Variants in GPR158 observed in about 807,000 individuals in gnomAD.
The protein encoded by GPR158 is G protein-coupled receptor 158, also known as metabotropic glycine receptor.
A neutral mutation model predicts 78.2 loss-of-function variants in GPR158; 30 were observed. The ratio of observed to expected loss-of-function variants is 0.38; its 90% CI spans 0.29 to 0.52. GPR158 has a LOEUF of 0.52. Among genes scored for constraint, GPR158 ranks in the 20% least tolerant of loss-of-function variants. The pLI is 0.83. For missense variants in GPR158, 1,463 were observed against 1,523.5 expected (o/e 0.96, Z 0.66); for synonymous variants, 581 against 591.1 (o/e 0.98, Z 0.25).
chr10:25,259,605 A>G (rs985098749), intron 2 of GPR158, among the ~76,000 whole-genome samples: 2 of 152,160 alleles, frequency 1.3e-5, no homozygotes, highest in African/African-American at 4.8e-5. Context: ...TTTTAAATAA[A>G]TCTTAAAAAT....
intron 2 of GPR158, among the ~76,000 whole-genome samples, chr10:25,222,418 C>T (rs1049506440): frequency 6.6e-6 from 1 of 151,098 alleles, no homozygotes; most frequent in Non-Finnish European, 1.5e-5. Context: ...CAATACATTC[C>T]CACAGCCCCC....
At chr10:25,198,389 G>A (rs1050884529) in intron 1 of GPR158, among the ~76,000 whole-genome samples, 1 of 152,162 alleles carries the variant, frequency 6.6e-6, no homozygotes, top group African/African-American at 2.4e-5. Context: ...TGTGGGGGAG[G>A]AGAACATTTC....
chr10:25,574,640 A>C (rs553302938), intron 7 of GPR158, among the ~76,000 whole-genome samples: 2 of 152,300 alleles, frequency 1.3e-5, no homozygotes, highest in African/African-American at 4.8e-5. Context: ...TAATCCCAGC[A>C]CTTTGGGAGG....
chr10:25,378,273 G>C (rs1834110290), intron 2 of GPR158, among the ~76,000 whole-genome samples: 1 of 152,056 alleles, frequency 6.6e-6, no homozygotes, highest in Non-Finnish European at 1.5e-5. Flanking sequence ...ATTTCTAAGA[G>C]CATCTATTAA....
rs977357378 is a variant in GPR158, at chr10:25,192,364, C to T, written c.902+16042C>T. On this transcript the variant is annotated intron_variant, in intron 1 of 10. Transcript: ENST00000376351. Reference sequence around the variant, plus strand: ...CTTTCCTTTATAAGTTACCCAGTCTCGGGCAGTTCTTTGTAGCAGTGTGAG... The same window carrying T: ...CTTTCCTTTATAAGTTACCCAGTCTTGGGCAGTTCTTTGTAGCAGTGTGAG... 4.6e-5 allele frequency among the ~76,000 whole-genome samples: 7 copies of T among 152,152 alleles called. No homozygotes were observed. In the East Asian group the frequency reaches 5.8e-4, roughly 13 times the overall value.
At position 25,600,302 on chromosome 10, in the gene GPR158, G is replaced by C. The variant is rs186743573; in HGVS notation, c.*1028G>C. The C allele has an allele frequency of 6.6e-6, 1 of 152,390 alleles. No homozygotes were observed. Among genetic ancestry groups the C allele is most frequent in the Non-Finnish European group, 1.5e-5 (1 of 67,976 alleles). The allele number at this position is 152,390 out of a possible 1,614,324, so 9.4% of individuals were successfully genotyped here. A position where few individuals can be genotyped will look rare whatever the true frequency, so the allele number is the denominator to read the frequency against. The stretch of plus-strand genomic sequence containing the variant: ...TAACTCTTTCAGTATTTCCTACTTA[G>C]CAGCATTTCCAAAGGAAGAAGCTAA... On this transcript the variant is annotated 3_prime_UTR_variant, in exon 11 of 11. Coordinates refer to ENST00000376351, the MANE Select transcript of GPR158 (RefSeq NM_020752.3).
chr10:25,257,868 CTCTT>C (rs781351003), intron 2 of GPR158, among the ~76,000 whole-genome samples: 2 of 152,164 alleles, frequency 1.3e-5, no homozygotes, highest in Non-Finnish European at 2.9e-5. Flanking sequence ...ACAGTCTTCT[CTCTT>C]CTGTCCATGC....
rs1323759448 is a variant in GPR158, at chr10:25,601,654, G to T, written c.*2380G>T. ...GTGAGAGTGCCTAGAGTCTTTCTGAGAGTTTCATTGCCATTATCAACAAGA... is the reference window on the plus strand; with the variant it reads ...GTGAGAGTGCCTAGAGTCTTTCTGATAGTTTCATTGCCATTATCAACAAGA... On this transcript the variant is annotated 3_prime_UTR_variant, in exon 11 of 11. Coordinates refer to ENST00000376351, the MANE Select transcript of GPR158 (RefSeq NM_020752.3). 1 of 152,586 alleles carries T rather than the reference G, an allele frequency of 6.6e-6. No homozygotes were observed. Among genetic ancestry groups the T allele is most frequent in the Non-Finnish European group, 1.5e-5 (1 of 68,026 alleles). The allele number at this position is 152,586 out of a possible 1,614,324, so 9.5% of individuals were successfully genotyped here.
In GPR158 at chr10:25,251,763, A is replaced by G. The variant is rs1588758987; in HGVS notation, c.1008+30606A>G. On this transcript the variant is annotated intron_variant, in intron 2 of 10. Transcript: ENST00000376351. ...CCCTTAGCATTTTTTCCTTCATTTC[A>G]ACTTTGGTGAATCTGACAATTATGT... 2.0e-5 allele frequency among the ~76,000 whole-genome samples: 3 copies of G among 150,728 alleles called. No individual in the cohort carries two copies. The South Asian group carries it at 6.4e-4, about 32-fold the overall frequency.
chr10:25,222,514 C>T (rs1853312837), intron 2 of GPR158, among the ~76,000 whole-genome samples: 1 of 152,088 alleles, frequency 6.6e-6, no homozygotes, highest in Admixed American at 6.6e-5. Context: ...TTCTGCCTTG[C>T]TAACTCACAA....
At chr10:25,424,959 A>G (rs538055391) in intron 4 of GPR158, among the ~76,000 whole-genome samples, 14 of 152,252 alleles carry the variant, frequency 9.2e-5, no homozygotes, top group African/African-American at 3.4e-4. Flanking sequence ...CATTGAATCT[A>G]TAATTTACCT....
chr10:25,283,589 T>A (rs938824725), intron 2 of GPR158, among the ~76,000 whole-genome samples: 2 of 152,004 alleles, frequency 1.3e-5, no homozygotes, highest in Non-Finnish European at 2.9e-5. Flanking sequence ...GTTGATTTTC[T>A]GTATTATTTT....
intron 3 of GPR158, among the ~76,000 whole-genome samples, chr10:25,403,535 C>A (rs1834472293): frequency 6.6e-6 from 1 of 151,910 alleles, no homozygotes; most frequent in African/African-American, 2.4e-5. Context: ...TTCTAAGTCT[C>A]ATCTTCAAGG....
intron 4 of GPR158, among the ~76,000 whole-genome samples, chr10:25,436,085 A>G (rs372147709): frequency 1.2e-4 from 18 of 152,202 alleles, no homozygotes; most frequent in Admixed American, 1.2e-3. Flanking sequence ...CAAAAGTTCC[A>G]TCTTGAAACT....
chr10:25,285,130 ATTAT>A (rs1188653173), intron 2 of GPR158, among the ~76,000 whole-genome samples: 1 of 151,426 alleles, frequency 6.6e-6, no homozygotes, highest in Non-Finnish European at 1.5e-5. Context: ...CTAGCATGAT[ATTAT>A]TTCTGCCTGA....
chr10:25,302,669 A>T (rs1172677100), intron 2 of GPR158, among the ~76,000 whole-genome samples: 1 of 152,180 alleles, frequency 6.6e-6, no homozygotes, highest in Non-Finnish European at 1.5e-5. Context: ...TAACTTGTAC[A>T]ATATGTAAAA....
chr10:25,179,719 G>A (rs1852590526), intron 1 of GPR158, among the ~76,000 whole-genome samples: 1 of 152,132 alleles, frequency 6.6e-6, no homozygotes, highest in East Asian at 1.9e-4. Flanking sequence ...TGAAAAAATG[G>A]CACTCATTTC....
chr10:25,295,538 C>T lies in GPR158; in HGVS notation c.1008+74381C>T, dbSNP rs920872347. Among the ~76,000 whole-genome samples the T allele has an allele frequency of 5.3e-5, 8 of 151,914 alleles. No individual in the cohort carries two copies. The East Asian group carries it at 5.8e-4, about 11-fold the overall frequency. ...ACGCCATTCTCCTGCCTCAGCCTCC[C>T]GAGTAGCTGGGACTACAGGCGCCCG... On this transcript the variant is annotated intron_variant, in intron 2 of 10. Transcript: ENST00000376351.
intron 2 of GPR158, among the ~76,000 whole-genome samples, chr10:25,257,122 G>A (rs1439886498): frequency 6.6e-6 from 1 of 152,144 alleles, no homozygotes; most frequent in East Asian, 1.9e-4. Flanking sequence ...GCATAGAATT[G>A]GCATCTGGTG....
Sources: allele counts gnomAD v4.1 joint callset (sites outside exome capture counted in the v4.1 genomes callset), GRCh38; gene constraint gnomAD v4.1.1; transcripts MANE v1.5; gene names NCBI Gene and HGNC (gene_info 2026-07-23, HGNC 2026-07-21).